The following INPP5B variants were observed in gnomAD, a reference collection of about 807,000 sequenced individuals.
The protein encoded by INPP5B is type II inositol 1,4,5-trisphosphate 5-phosphatase.
A neutral mutation model predicts 118.5 loss-of-function variants in INPP5B; 90 were observed. That is an observed-to-expected ratio of 0.76 (90% CI 0.64 to 0.90). The LOEUF is 0.90. Among genes scored for constraint, INPP5B ranks in the 40% least tolerant of loss-of-function variants. The pLI is 0.00. For synonymous variants in INPP5B, 385 were observed against 418.9 expected (o/e 0.92, Z 0.99); for missense variants, 984 against 1,125.6 (o/e 0.87, Z 1.80).
chr1:37,893,863 G>A (rs143060883), intron 7 of INPP5B, among the ~76,000 whole-genome samples: 2,016 of 152,286 alleles, frequency 0.013, 18 homozygotes, highest in Non-Finnish European at 0.02. Context: ...CAAAGATCCC[G>A]TCAGAAAGCA....
At chr1:37,930,169 C>T (rs1054648838) in intron 7 of INPP5B, 102 of 152,308 alleles carry the variant, frequency 6.7e-4, no homozygotes, top group African/African-American at 2.3e-3. Context: ...TCAAGCCTTC[C>T]ACCTCAGCCT....
intron 7 of INPP5B, chr1:37,929,928 T>C (rs1454387730): frequency 6.6e-6 from 1 of 152,226 alleles, no homozygotes; most frequent in Non-Finnish European, 1.5e-5. Flanking sequence ...GTGACGGAGT[T>C]TCGCCATGTT....
At chr1:37,926,760 G>A (rs1645245877) in intron 7 of INPP5B, among the ~76,000 whole-genome samples, 1 of 152,162 alleles carries the variant, frequency 6.6e-6, no homozygotes, top group African/African-American at 2.4e-5. Flanking sequence ...TACCCAGGAT[G>A]CAATGCAGGT....
At chr1:37,870,728 A>C (rs960494577) in intron 19 of INPP5B, 4 of 152,330 alleles carry the variant, frequency 2.6e-5, no homozygotes, top group African/African-American at 9.6e-5. Context: ...GAACTGTAAG[A>C]AATAAATTTC....
At chr1:37,892,585 G>A (rs1223913131) in intron 7 of INPP5B, among the ~76,000 whole-genome samples, 2 of 152,204 alleles carry the variant, frequency 1.3e-5, no homozygotes, top group South Asian at 2.1e-4. Flanking sequence ...GAATTTTGCT[G>A]CGAAGACTAT....
intron 6 of INPP5B, among the ~76,000 whole-genome samples, chr1:37,934,093 C>T (rs1048082698): frequency 1.4e-4 from 21 of 151,956 alleles, no homozygotes; most frequent in Admixed American, 3.9e-4. Flanking sequence ...GGCACCACGC[C>T]TGGCTAATTT....
chr1:37,927,780 G>A (rs569228482), intron 7 of INPP5B, among the ~76,000 whole-genome samples: 56 of 151,944 alleles, frequency 3.7e-4, no homozygotes, highest in Middle Eastern at 3.4e-3. Context: ...CTCGTGATCC[G>A]CCCTCCTTGG....
intron 7 of INPP5B, among the ~76,000 whole-genome samples, chr1:37,916,659 G>A (rs1480271430): frequency 6.6e-6 from 1 of 151,886 alleles, no homozygotes; most frequent in Admixed American, 6.6e-5. Context: ...CAGGTGATCC[G>A]CCTGCCTCAG....
In INPP5B at chr1:37,861,593, G is replaced by C. The variant is rs1164763341; in HGVS notation, c.*722C>G. The C allele has an allele frequency of 6.6e-6, 1 of 152,260 alleles. No homozygotes were observed. The highest frequency in any genetic ancestry group is 1.5e-5 in the Non-Finnish European group (1 of 68,120). 9.4% of individuals were successfully genotyped at this position (152,260 alleles called of 1,614,324 possible). A position where few individuals can be genotyped will look rare whatever the true frequency, so the allele number is the denominator to read the frequency against. On this transcript the variant is annotated 3_prime_UTR_variant, in exon 24 of 24. Coordinates refer to ENST00000373024, the MANE Select transcript of INPP5B (RefSeq NM_005540.3). Reference sequence around the variant, plus strand: ...ACACACAAAAAAATTAGCCAGGCATGGTGGCGGACGCCTATAATCCCAGCT... The same window carrying C: ...ACACACAAAAAAATTAGCCAGGCATCGTGGCGGACGCCTATAATCCCAGCT...
chr1:37,865,630 G>A (rs1641982103), intron 22 of INPP5B, 131 bp downstream of exon 22: 2 of 974,828 alleles, frequency 2.1e-6, no homozygotes, highest in Admixed American at 4.8e-5. Context: ...ATAAGAGAAA[G>A]AGCAGGTTTG....
intron 13 of INPP5B, chr1:37,883,807 A>G (rs1643351766): frequency 2.0e-6 from 2 of 985,452 alleles, no homozygotes; most frequent in Non-Finnish European, 2.4e-6. Context: ...GGCAGGCAGG[A>G]CAAGAGGCGT....
intron 9 of INPP5B, among the ~76,000 whole-genome samples, chr1:37,888,804 A>C (rs1486300604): frequency 6.6e-6 from 1 of 152,244 alleles, no homozygotes. Context: ...TGAAAGATCT[A>C]GCAGAATCCC....
rs370532382 is a variant in INPP5B at position 37,862,432 on chromosome 1, T to G, written c.2627-2A>C. 80 of 1,591,696 alleles carry G rather than the reference T, an allele frequency of 5.0e-5. No homozygotes were observed. Among genetic ancestry groups the G allele is most frequent in the Middle Eastern group, 1.7e-4 (1 of 6,050 alleles). On this transcript the variant is annotated splice_acceptor_variant, in intron 23 of 23. Coordinates refer to ENST00000373024, the MANE Select transcript of INPP5B (RefSeq NM_005540.3). LOFTEE classifies it high-confidence loss of function. ...GCAATAAGCTGCCAAATATGCTAGC[T>G]GCAAGAAAAAACACAGAAAAGAAAT... is the stretch of plus-strand genomic sequence containing the variant.
intron 7 of INPP5B, among the ~76,000 whole-genome samples, chr1:37,895,586 C>A (rs1644003160): frequency 6.6e-6 from 1 of 151,894 alleles, no homozygotes; most frequent in Non-Finnish European, 1.5e-5. Flanking sequence ...GGTACTGCTG[C>A]CATCTCGGCT....
intron 13 of INPP5B, chr1:37,883,867 T>C (rs904355181): frequency 1.5e-5 from 15 of 984,966 alleles, no homozygotes; most frequent in Non-Finnish European, 1.8e-5. Context: ...GGCTTCTTCC[T>C]CTTTATAAAA....
At chr1:37,901,989 T>TA (rs1215659793) in intron 7 of INPP5B, among the ~76,000 whole-genome samples, 1 of 102,142 alleles carries the variant, frequency 9.8e-6, no homozygotes, top group East Asian at 2.6e-4. Flanking sequence ...AATCCTCTAT[T>TA]AAATTTTTTT....
chr1:37,865,138 G>A (rs756840177), intron 22 of INPP5B, among the ~76,000 whole-genome samples: 8 of 151,756 alleles, frequency 5.3e-5, no homozygotes, highest in South Asian at 4.1e-4. Context: ...AGCTGAGATC[G>A]CGCCAATGCA....
chr1:37,941,958 A>AAAAAAAAAAAAAATATATATATATAT (rs1427344681), intron 5 of INPP5B: 3 of 30,368 alleles, frequency 9.9e-5, no homozygotes, highest in Non-Finnish European at 2.0e-4. Context: ...AAAAAAAAAA[A>AAAAAAAAAAAAAATATATATATATAT]ATATATATAT....
chr1:37,938,763 T>C (rs1645798729), intron 6 of INPP5B, among the ~76,000 whole-genome samples: 1 of 152,160 alleles, frequency 6.6e-6, no homozygotes, highest in African/African-American at 2.4e-5. Flanking sequence ...CTTAATAAAT[T>C]TGAAACCTCT....
Sources: allele counts gnomAD v4.1 joint callset (sites outside exome capture counted in the v4.1 genomes callset), GRCh38; gene constraint gnomAD v4.1.1; transcripts MANE v1.5; gene names NCBI Gene and HGNC (gene_info 2026-07-23, HGNC 2026-07-21).